Variants in SETD5 observed in about 807,000 individuals in gnomAD.
The protein encoded by SETD5 is histone-lysine N-methyltransferase SETD5.
Under a neutral mutation model 153.3 loss-of-function variants are expected in SETD5, and 44 were observed. The ratio of observed to expected loss-of-function variants is 0.29; its 90% CI spans 0.23 to 0.37. The LOEUF (loss-of-function observed/expected upper bound fraction) is 0.37, where lower values mean the gene tolerates loss of function less well. SETD5 is among the 10% of genes least tolerant of loss of function. The probability of loss-of-function intolerance (pLI) is 1.00; values close to 1 mark genes in which losing one functional copy is unlikely to be tolerated. For synonymous variants in SETD5, 716 were observed against 645.2 expected (o/e 1.11, Z -1.66); for missense variants, 1,544 against 1,768.0 (o/e 0.87, Z 2.27).
At chr3:9,424,793 G>A (rs1213976684) in intron 2 of SETD5, among the ~76,000 whole-genome samples, 2 of 151,962 alleles carry the variant, frequency 1.3e-5, no homozygotes, top group South Asian at 2.1e-4. Flanking sequence ...AATGTTCCTC[G>A]GTTAACATTT....
chr3:9,434,926 T>C lies in SETD5; in HGVS notation c.388+44T>C. On this transcript the variant is annotated intron_variant, in intron 6 of 22. Coordinates refer to ENST00000402198, the MANE Select transcript of SETD5 (RefSeq NM_001080517.3). This position sits in a 1 kb window ranked among gnomAD's most constrained non-coding sequence, Gnocchi z 5.6. ...AGGTCCACAATTTGACATAAAAATA[T>C]TCTGTGATCTGAATGTTCATTTTAA... is the stretch of plus-strand genomic sequence containing the variant. 6.3e-7 allele frequency: 1 copy of C among 1,594,178 alleles called. No individual in the cohort carries two copies. Among genetic ancestry groups the C allele is most frequent in the Non-Finnish European group, 8.6e-7 (1 of 1,169,298 alleles).
chr3:9,410,880 T>TC (rs2036464936), intron 1 of SETD5, among the ~76,000 whole-genome samples: 1 of 151,542 alleles, frequency 6.6e-6, no homozygotes, highest in African/African-American at 2.4e-5. Context: ...AAATTCTCTT[T>TC]TTTTTTTTCT....
chr3:9,453,684 G>A (rs1024034866), intron 16 of SETD5, 55 bp from the exon 17 acceptor site: 17 of 1,493,536 alleles, frequency 1.1e-5, no homozygotes, highest in Non-Finnish European at 1.4e-5. Context: ...TAAAACAGGT[G>A]CACTAAATAG....
Position 9,453,850 on chromosome 3 carries a change from A to G in SETD5, c.2458A>G (p.Ile820Val). ...QSNENSSSSS[I>V]CKDNADLLSP... is the part of the protein sequence containing the mutation. The stretch of plus-strand genomic sequence containing the variant: ...CAATGAGAATAGTAGCTCTTCTAGT[A>G]TCTGCAAAGACAATGCAGGTACGTA... Residue 820 changes from isoleucine (I) to valine (V), a missense_variant, in exon 17 of 23, where the codon ATC becomes GTC. Ile to Val is a conservative substitution (Grantham distance 29). This residue lies in a region of SETD5 where 782 missense variants were observed against 787.2 expected (regional missense o/e 0.99). Transcript: ENST00000402198. 4 of 1,591,710 alleles carry G rather than the reference A, an allele frequency of 2.5e-6. No individual in the cohort carries two copies. Among genetic ancestry groups the G allele is most frequent in the Non-Finnish European group, 1.7e-6 (2 of 1,173,262 alleles).
Position 9,445,181 on chromosome 3 carries a change from C to T in SETD5, c.1321C>T (p.Arg441Cys), listed in dbSNP as rs775813972. The T allele has an allele frequency of 3.1e-6, 5 of 1,613,906 alleles. No individual in the cohort carries two copies. The highest frequency in any genetic ancestry group is 2.2e-5 in the East Asian group (1 of 44,878). The part of the protein sequence containing the change: ...SLPTIGAETR[R>C]RKARRKELEM... ...ACCCACCATTGGAGCAGAGACTAGA[C>T]GTAGAAAAGCACGACGGAAAGAGCT... The change falls in exon 12 of 23, where the codon CGT becomes TGT. Residue 441 changes from arginine (R) to cysteine (C), a missense_variant. Arg to Cys is a radical substitution (Grantham distance 180). Around this residue, in one of 9 missense-constraint regions of SETD5, gnomAD observed 782 missense variants for 787.2 expected, o/e 0.99. Coordinates refer to ENST00000402198, the MANE Select transcript of SETD5 (RefSeq NM_001080517.3).
chr3:9,430,460 A>T, intron 3 of SETD5: 1 of 559,364 alleles, frequency 1.8e-6, no homozygotes, highest in Non-Finnish European at 2.3e-6. Flanking sequence ...TTTTGTTTGC[A>T]TGCAAAAGGT....
chr3:9,403,759 A>G (rs1184969118), intron 1 of SETD5, among the ~76,000 whole-genome samples: 1 of 152,190 alleles, frequency 6.6e-6, no homozygotes, highest in Non-Finnish European at 1.5e-5. Context: ...TGAATCATAG[A>G]GTTGGAAAAG....
intron 3 of SETD5, chr3:9,431,645 A>T (rs1469405222): frequency 1.0e-6 from 1 of 985,554 alleles, no homozygotes; most frequent in African/African-American, 1.7e-5. Context: ...CTTAACTAGA[A>T]AGTATTGTGC....
At chr3:9,455,250 C>T (rs1424178338) in intron 17 of SETD5, among the ~76,000 whole-genome samples, 1 of 135,196 alleles carries the variant, frequency 7.4e-6, no homozygotes, top group Non-Finnish European at 1.5e-5. Flanking sequence ...GGATTACAGG[C>T]GCCCGCCACC....
rs747266462 is a variant in SETD5 at position 9,433,892 on chromosome 3, A to T, written c.119A>T (p.Tyr40Phe). ...CCAGCAGTTAATGAGAAGAGCGTGT[A>T]TTCCACTCATAATTATGGGACCACT... Reference protein sequence around the residue: ...ASPAVNEKSVYSTHNYGTTQR... With the variant: ...ASPAVNEKSVFSTHNYGTTQR... The change falls in exon 4 of 23, where the codon TAT becomes TTT. Residue 40 changes from tyrosine (Y) to phenylalanine (F), a missense_variant. Around this residue, in one of 9 missense-constraint regions of SETD5, gnomAD observed 251 missense variants for 326.9 expected, o/e 0.77. Coordinates refer to ENST00000402198, the MANE Select transcript of SETD5 (RefSeq NM_001080517.3). 6.2e-7 allele frequency: 1 copy of T among 1,613,878 alleles called. No homozygotes were observed. The highest frequency in any genetic ancestry group is 1.7e-5 in the Admixed American group (1 of 60,018).
intron 19 of SETD5, among the ~76,000 whole-genome samples, chr3:9,471,952 A>G (rs1450873686): frequency 2.0e-5 from 3 of 152,234 alleles, no homozygotes; most frequent in East Asian, 3.8e-4. Context: ...TAGAAAATGC[A>G]TATGCAAAAC....
intron 1 of SETD5, among the ~76,000 whole-genome samples, chr3:9,411,451 A>G (rs998685143): frequency 6.6e-6 from 1 of 152,214 alleles, no homozygotes; most frequent in Non-Finnish European, 1.5e-5. Context: ...TTTCAGCAAT[A>G]CGTCACTTTC....
chr3:9,455,257 C>T (rs1177403818), intron 17 of SETD5, among the ~76,000 whole-genome samples: 1 of 149,328 alleles, frequency 6.7e-6, no homozygotes, highest in African/African-American at 2.5e-5. Context: ...AGGCGCCCGC[C>T]ACCTCACCCG....
At chr3:9,468,144 AG>A (rs2044836198) in intron 18 of SETD5, among the ~76,000 whole-genome samples, 1 of 151,608 alleles carries the variant, frequency 6.6e-6, no homozygotes, top group Non-Finnish European at 1.5e-5. Context: ...AGGAGGAATA[AG>A]GGGTAGGGTG....
Position 9,434,122 on chromosome 3 carries a change from T to C in SETD5, c.177+172T>C, listed in dbSNP as rs1195387451. 1 of 1,550,874 alleles carries C rather than the reference T, an allele frequency of 6.4e-7. No individual in the cohort carries two copies. The highest frequency in any genetic ancestry group is 8.7e-7 in the Non-Finnish European group (1 of 1,149,464). ...CTGCATCATTGTTCTTGTTTTTATG[T>C]CCCAGTTGACCTTGGCATTTTGTTT... On this transcript the variant is annotated intron_variant, in intron 4 of 22. Transcript: ENST00000402198. This position sits in a 1 kb window ranked among gnomAD's most constrained non-coding sequence, Gnocchi z 5.6.
intron 16 of SETD5, among the ~76,000 whole-genome samples, chr3:9,451,407 C>T (rs2042613236): frequency 6.6e-6 from 1 of 152,076 alleles, no homozygotes; most frequent in African/African-American, 2.4e-5. Context: ...GTAACTTGTC[C>T]AAAGTGAAGC....
At chr3:9,421,665 C>G (rs530501686) in intron 1 of SETD5, among the ~76,000 whole-genome samples, 5 of 152,152 alleles carry the variant, frequency 3.3e-5, no homozygotes, top group Non-Finnish European at 5.9e-5. Flanking sequence ...TATGTAACAA[C>G]AAAATTTTGA....
intron 1 of SETD5, among the ~76,000 whole-genome samples, chr3:9,418,414 A>C (rs1272188321): frequency 2.0e-5 from 3 of 152,230 alleles, no homozygotes; most frequent in Non-Finnish European, 4.4e-5. Flanking sequence ...CAACTATAAG[A>C]AAGTACTTTG....
intron 1 of SETD5, among the ~76,000 whole-genome samples, chr3:9,402,276 C>G (rs911324612): frequency 1.3e-5 from 2 of 152,074 alleles, no homozygotes; most frequent in African/African-American, 4.8e-5. Context: ...TGCATTCTGT[C>G]TTTAATACTT....
Sources: allele counts gnomAD v4.1 joint callset (sites outside exome capture counted in the v4.1 genomes callset), GRCh38; gene constraint gnomAD v4.1.1; regional missense constraint gnomAD v4.1.1; non-coding constraint Gnocchi (gnomAD v3.1); transcripts MANE v1.5; gene names NCBI Gene and HGNC (gene_info 2026-07-23, HGNC 2026-07-21).